Variants in NELFE observed in about 807,000 individuals in gnomAD.
NELFE encodes negative elongation factor complex member E.
In NELFE, 26 loss-of-function variants were observed where a neutral mutation model predicts 55.5. That is an observed-to-expected ratio of 0.47 (90% CI 0.34 to 0.65). NELFE has a LOEUF of 0.65. NELFE is among the 30% of genes least tolerant of loss of function. The pLI is 0.01. For synonymous variants in NELFE, 162 were observed against 178.0 expected, an observed-to-expected ratio of 0.91 and a Z score of 0.72; for missense variants, 403 against 506.9, an observed-to-expected ratio of 0.80 and a Z score of 1.97.
Position 31,958,383 on chromosome 6 carries a change from G to A in NELFE, c.64C>T (p.Leu22Phe), listed in dbSNP as rs764710159. The change falls in exon 2 of 11, where the codon CTC becomes TTC. Residue 22 changes from leucine (L) to phenylalanine (F), a missense_variant. Leu to Phe is a conservative substitution (Grantham distance 22). Coordinates refer to ENST00000375429, the MANE Select transcript of NELFE (RefSeq NM_002904.6). ...ACACAGTCCCTCACCTTTTTCTTGA[G>A]CTTGTTGAATTTCTTCTGCAGAGCC... Reference protein sequence around the residue: ...EEALQKKFNKLKKKKKALLAL... With the variant: ...EEALQKKFNKFKKKKKALLAL... 1 of 1,613,024 alleles carries A rather than the reference G, an allele frequency of 6.2e-7. No individual in the cohort carries two copies. The highest frequency in any genetic ancestry group is 8.5e-7 in the Non-Finnish European group (1 of 1,179,978).
At chr6:31,952,726 C>T (rs1363799663) in intron 10 of NELFE, among the ~76,000 whole-genome samples, 1 of 152,200 alleles carries the variant, frequency 6.6e-6, no homozygotes, top group Non-Finnish European at 1.5e-5. Context: ...CCTTTTTTGA[C>T]ATGCTGGTCA....
At chr6:31,957,136 T>G in intron 2 of NELFE, 126 bp from the exon 3 acceptor site, 3 of 814,594 alleles carry the variant, frequency 3.7e-6, no homozygotes, top group Non-Finnish European at 4.0e-6. Context: ...GGTACACTGA[T>G]GTGCTCTGCC....
chr6:31,953,945 G>T, intron 9 of NELFE, 114 bp from the exon 10 acceptor site: 2 of 1,336,332 alleles, frequency 1.5e-6, no homozygotes, highest in Admixed American at 1.8e-5. Context: ...ATCTGAGAAT[G>T]TGAGTTTTTC....
chr6:31,955,044 T>C lies in NELFE; in HGVS notation c.404+15A>G. 1.2e-6 allele frequency: 2 copies of C among 1,613,216 alleles called. No individual in the cohort carries two copies. The highest frequency in any genetic ancestry group is 1.7e-6 in the Non-Finnish European group (2 of 1,180,018). On this transcript the variant is annotated intron_variant, in intron 6 of 10. Transcript: ENST00000375429. ...ACTCCACCAAATGGGCCCAGCCTTA[T>C]CTCTACTCTCTAACCTCTCATACAG...
chr6:31,954,008 C>A lies in NELFE; in HGVS notation c.942+72G>T. The A allele has an allele frequency of 6.5e-7, 1 of 1,527,086 alleles. No homozygotes were observed. Among genetic ancestry groups the A allele is most frequent in the Non-Finnish European group, 9.0e-7 (1 of 1,105,820 alleles). The allele number at this position is 1,527,086 out of a possible 1,614,324, so 94.6% of individuals were successfully genotyped here. On this transcript the variant is annotated intron_variant, in intron 9 of 10. Coordinates refer to ENST00000375429, the MANE Select transcript of NELFE (RefSeq NM_002904.6). This position sits in a 1 kb window ranked among gnomAD's most constrained non-coding sequence, Gnocchi z 5.5. The stretch of plus-strand genomic sequence containing the variant: ...TCAAGAGGAACCAACTTCTTCCTGG[C>A]ATCTAGTATTTTGAGGAGAACACAT...
At chr6:31,956,178 C>T (rs552242843) in intron 4 of NELFE, among the ~76,000 whole-genome samples, 1 of 152,208 alleles carries the variant, frequency 6.6e-6, no homozygotes, top group African/African-American at 2.4e-5. Context: ...ATCCGCCTGC[C>T]TCGGCCTCCC....
chr6:31,956,172 G>A (rs1046710344), intron 4 of NELFE, among the ~76,000 whole-genome samples: 4 of 151,702 alleles, frequency 2.6e-5, no homozygotes, highest in Admixed American at 6.6e-5. Context: ...CTCGTGATCC[G>A]CCTGCCTCGG....
At chr6:31,958,237 C>T (rs562894375) in intron 2 of NELFE, 135 bp downstream of exon 2, 3 of 790,598 alleles carry the variant, frequency 3.8e-6, no homozygotes, top group South Asian at 2.9e-5. Context: ...GCCCACCTCT[C>T]GAAGCTACAC....
In NELFE at chr6:31,956,711, G is replaced by A. The variant is rs767089481; in HGVS notation, c.273C>T (p.Thr91=). The A allele has an allele frequency of 2.5e-6, 4 of 1,606,628 alleles. No individual in the cohort carries two copies. Among genetic ancestry groups the A allele is most frequent in the African/African-American group, 1.3e-5 (1 of 74,884 alleles). The change falls in exon 4 of 11, where the codon ACC becomes ACT. Residue 91 remains threonine, a synonymous_variant. Transcript: ENST00000375429. ...TGCTCACCTTTAACTTCCCCTCAAG[G>A]GTTCGAGAACGCTTGAAGCCTGAGT... ...TKNSGFKRSR[T]LEGKLKDPEK...
At chr6:31,956,277 T>C (rs1051785178) in intron 4 of NELFE, among the ~76,000 whole-genome samples, 6 of 151,656 alleles carry the variant, frequency 4.0e-5, no homozygotes, top group African/African-American at 1.5e-4. Context: ...GGTTTTACCA[T>C]GTTGGCCAGG....
chr6:31,958,474 CAA>C lies in NELFE; in HGVS notation c.-8-22_-8-21del. On this transcript the variant is annotated intron_variant, in intron 1 of 10. Transcript: ENST00000375429. ...TGGCTCCTAGTTCAGGGGCAGGGCC[CAA>C]GACATCTTTCTCCACTGTTACCACC... is the stretch of plus-strand genomic sequence containing the variant. 1 of 1,605,220 alleles carries C rather than the reference CAA, an allele frequency of 6.2e-7. No individual in the cohort carries two copies. The highest frequency in any genetic ancestry group is 1.1e-5 in the South Asian group (1 of 90,922).
At chr6:31,956,861 C>T (rs1465562794) in intron 3 of NELFE, 23 bp from the exon 4 acceptor site, 10 of 1,613,044 alleles carry the variant, frequency 6.2e-6, no homozygotes, top group South Asian at 1.1e-5. Context: ...GGGGAAGAGG[C>T]ATTATGTTGG....
intron 2 of NELFE, chr6:31,957,235 C>A (rs770919304): frequency 1.6e-6 from 1 of 612,196 alleles, no homozygotes; most frequent in Non-Finnish European, 2.9e-6. Context: ...CAGAGTGTTA[C>A]ATTTTTGAAG....
intron 3 of NELFE, 25 bp downstream of exon 3, chr6:31,956,916 C>T (rs1402948899): frequency 6.2e-7 from 1 of 1,612,396 alleles, no homozygotes; most frequent in Admixed American, 1.7e-5. Context: ...ACTTCCAGTC[C>T]ATCCCCATTT....
chr6:31,952,697 A>G (rs1289008058), intron 10 of NELFE, among the ~76,000 whole-genome samples: 1 of 152,214 alleles, frequency 6.6e-6, no homozygotes, highest in Non-Finnish European at 1.5e-5. Flanking sequence ...GAAGCTAAAA[A>G]CTAGAAAACC....
chr6:31,954,244 TC>T lies in NELFE; in HGVS notation c.887+53del. The T allele has an allele frequency of 6.2e-7, 1 of 1,610,884 alleles. No homozygotes were observed. On this transcript the variant is annotated intron_variant, in intron 8 of 10. Coordinates refer to ENST00000375429, the MANE Select transcript of NELFE (RefSeq NM_002904.6). The surrounding 1 kb of genome is among the most constrained non-coding windows in gnomAD (Gnocchi z 5.5). ...GGAGGGCAGCTTCTTCCCTCAGGTC[TC>T]ACACCCCAGGATTCTCCCAGGACTT...
chr6:31,952,162 A>T lies in NELFE; in HGVS notation c.*139T>A. The T allele has an allele frequency of 6.8e-7, 1 of 1,462,406 alleles. No homozygotes were observed. The highest frequency in any genetic ancestry group is 1.2e-5 in the South Asian group (1 of 85,070). 90.6% of individuals were successfully genotyped at this position (1,462,406 alleles called of 1,614,324 possible). On this transcript the variant is annotated 3_prime_UTR_variant, in exon 11 of 11. Coordinates refer to ENST00000375429, the MANE Select transcript of NELFE (RefSeq NM_002904.6). ...TGTTGTTACACTGAGATCAAACCTG[A>T]CAGCCGTTTTTAAAGGTTTAACCCC...
At chr6:31,956,607 G>T in intron 4 of NELFE, 86 bp downstream of exon 4, 1 of 1,414,590 alleles carries the variant, frequency 7.1e-7, no homozygotes, top group Non-Finnish European at 9.7e-7. Flanking sequence ...ATTTGCCAGT[G>T]CTTGAGTATG....
rs201903327 is a variant in NELFE, at chr6:31,954,580, G to A, written c.717C>T (p.Asp239=). Residue 239 remains aspartate, a synonymous_variant, in exon 7 of 11, where the codon GAC becomes GAT. Transcript: ENST00000375429. This position sits in a 1 kb window ranked among gnomAD's most constrained non-coding sequence, Gnocchi z 5.5. ...TGCGGAAAGGACCCTCTCGGTCTCG[G>A]TCTCGATCCCGCTCCCGATCCCTGT... ...ERDRDRERDR[D]RDREGPFRRS... The A allele has an allele frequency of 6.2e-7, 1 of 1,604,406 alleles. No homozygotes were observed. The highest frequency in any genetic ancestry group is 1.1e-5 in the South Asian group (1 of 90,036).
Sources: allele counts gnomAD v4.1 joint callset (sites outside exome capture counted in the v4.1 genomes callset), GRCh38; gene constraint gnomAD v4.1.1; non-coding constraint Gnocchi (gnomAD v3.1); transcripts MANE v1.5; gene names NCBI Gene and HGNC (gene_info 2026-07-23, HGNC 2026-07-21).